Variants in CRISPLD2 observed in about 807,000 individuals in gnomAD.
CRISPLD2 encodes the protein cysteine-rich secretory protein LCCL domain-containing 2.
In CRISPLD2, 47 loss-of-function variants were observed where a neutral mutation model predicts 71.1. That is an observed-to-expected ratio of 0.66 (90% confidence interval 0.52 to 0.84). The LOEUF is 0.84. Among genes scored for constraint, CRISPLD2 ranks in the 40% least tolerant of loss-of-function variants. CRISPLD2 has a pLI of 0.00. For synonymous variants in CRISPLD2, 317 were observed against 250.1 expected (o/e 1.27, Z -2.52); for missense variants, 830 against 651.1 (o/e 1.27, Z -2.99).
chr16:84,877,528 T>C lies in CRISPLD2; in HGVS notation c.1229+18T>C. 1 of 1,612,636 alleles carries C rather than the reference T, an allele frequency of 6.2e-7. No individual in the cohort carries two copies. The highest frequency in any genetic ancestry group is 8.5e-7 in the Non-Finnish European group (1 of 1,178,834). ...TGCCCAAGGTAAGGCGGGCCTGATC[T>C]GTCATCTTTTCTATGGAAGATGTTA... On this transcript the variant is annotated intron_variant, in intron 12 of 14. Transcript: ENST00000262424.
At chr16:84,841,278 G>T (rs950879661) in intron 2 of CRISPLD2, among the ~76,000 whole-genome samples, 1 of 152,148 alleles carries the variant, frequency 6.6e-6, no homozygotes, top group South Asian at 2.1e-4. Flanking sequence ...TGCAGGGAAG[G>T]GTGTTCTGGG....
intron 13 of CRISPLD2, among the ~76,000 whole-genome samples, chr16:84,880,995 A>T (rs774202): frequency 6.6e-6 from 1 of 152,006 alleles, no homozygotes; most frequent in East Asian, 1.9e-4. Flanking sequence ...GTGAGTCCCC[A>T]CACCCGGCCA....
At chr16:84,848,460 T>TAAA (rs33922205) in intron 3 of CRISPLD2, among the ~76,000 whole-genome samples, 193 of 144,982 alleles carry the variant, frequency 1.3e-3, no homozygotes, top group Admixed American at 3.2e-3. Context: ...CCCTAGTTAT[T>TAAA]AAAAAAAAAA....
At chr16:84,880,068 C>T (rs552248602) in intron 12 of CRISPLD2, among the ~76,000 whole-genome samples, 6 of 152,128 alleles carry the variant, frequency 3.9e-5, no homozygotes, top group Non-Finnish European at 5.9e-5. Flanking sequence ...TATTCTGTGA[C>T]TCAGCGAGGT....
intron 13 of CRISPLD2, among the ~76,000 whole-genome samples, chr16:84,884,167 C>G (rs1182966533): frequency 2.0e-5 from 3 of 152,160 alleles, no homozygotes; most frequent in Non-Finnish European, 4.4e-5. Context: ...TCACAGTAAC[C>G]CTCTTCTTCC....
At position 84,904,193 on chromosome 16, in the gene CRISPLD2, C is replaced by T. The variant is rs141032934; in HGVS notation, c.1440-2395C>T. Among the ~76,000 whole-genome samples the T allele has an allele frequency of 8.4e-4, 128 of 152,230 alleles. 1 individual carries two copies. Among genetic ancestry groups the T allele is most frequent in the African/African-American group, 3.0e-3 (125 of 41,544 alleles). On this transcript the variant is annotated intron_variant, in intron 14 of 14. Coordinates refer to ENST00000262424, the MANE Select transcript of CRISPLD2 (RefSeq NM_031476.4). ...TGTGCCCACAGCAAGAGGAGCAAAGCGGGAGGGGGCACTTAGGCTTCCCAA... is the reference window on the plus strand; with the variant it reads ...TGTGCCCACAGCAAGAGGAGCAAAGTGGGAGGGGGCACTTAGGCTTCCCAA...
intron 14 of CRISPLD2, among the ~76,000 whole-genome samples, chr16:84,894,791 A>G (rs1327594773): frequency 6.6e-6 from 1 of 152,086 alleles, no homozygotes; most frequent in Non-Finnish European, 1.5e-5. Flanking sequence ...TTTCACCCTT[A>G]GGCACATCTC....
intron 7 of CRISPLD2, among the ~76,000 whole-genome samples, chr16:84,868,090 C>T (rs1917592494): frequency 6.6e-6 from 1 of 152,196 alleles, no homozygotes; most frequent in Admixed American, 6.5e-5. Context: ...TGAGGAACAG[C>T]CTCACACCCG....
chr16:84,823,514 G>T (rs1163854349), intron 1 of CRISPLD2, among the ~76,000 whole-genome samples: 1 of 152,216 alleles, frequency 6.6e-6, no homozygotes, highest in East Asian at 1.9e-4. Flanking sequence ...CTCCATGGGT[G>T]CAGGGAAGCC....
At chr16:84,830,258 G>A (rs1449206372) in intron 1 of CRISPLD2, among the ~76,000 whole-genome samples, 1 of 152,170 alleles carries the variant, frequency 6.6e-6, no homozygotes, top group Non-Finnish European at 1.5e-5. Flanking sequence ...GGAGGTTGAG[G>A]CTGCAGTGAG....
At chr16:84,880,173 A>C (rs939546364) in intron 12 of CRISPLD2, among the ~76,000 whole-genome samples, 2 of 152,220 alleles carry the variant, frequency 1.3e-5, no homozygotes, top group African/African-American at 4.8e-5. Flanking sequence ...AGTGTGAACT[A>C]GCCAACATCC....
chr16:84,827,091 G>C (rs1206241787), intron 1 of CRISPLD2, among the ~76,000 whole-genome samples: 2 of 152,022 alleles, frequency 1.3e-5, no homozygotes, highest in African/African-American at 4.8e-5. Context: ...TCACAGCAGA[G>C]CCTGGCCGGC....
intron 2 of CRISPLD2, among the ~76,000 whole-genome samples, chr16:84,841,029 C>T (rs140318895): frequency 6.6e-6 from 1 of 152,216 alleles, no homozygotes; most frequent in Non-Finnish European, 1.5e-5. Flanking sequence ...CACCTCCGGA[C>T]TAGTGTAGCC....
At chr16:84,889,428 G>T in intron 14 of CRISPLD2, 65 bp downstream of exon 14, 1 of 1,532,694 alleles carries the variant, frequency 6.5e-7, no homozygotes, top group Non-Finnish European at 8.8e-7. Context: ...CAGGGGGCCT[G>T]GGAAGAGGCC....
intron 8 of CRISPLD2, among the ~76,000 whole-genome samples, chr16:84,869,839 T>G (rs1314175133): frequency 6.6e-6 from 1 of 152,260 alleles, no homozygotes; most frequent in African/African-American, 2.4e-5. Context: ...CACATTGCGA[T>G]AGCATCACCC....
chr16:84,848,851 A>T (rs564688223), intron 3 of CRISPLD2, among the ~76,000 whole-genome samples: 1 of 152,234 alleles, frequency 6.6e-6, no homozygotes, highest in South Asian at 2.1e-4. Flanking sequence ...ATAAACACCT[A>T]ATTGACATAA....
In CRISPLD2 at chr16:84,906,604, G is replaced by T. The variant is rs1270506027; in HGVS notation, c.1456G>T (p.Asp486Tyr). The change falls in exon 15 of 15, where the codon GAT becomes TAT. Residue 486 changes from aspartate (D) to tyrosine (Y), a missense_variant. Asp to Tyr is a radical substitution (Grantham distance 160). Coordinates refer to ENST00000262424, the MANE Select transcript of CRISPLD2 (RefSeq NM_031476.4). ...VQSESLGTPRDGKAFRIFAVR... is the reference protein window; with the variant it reads ...VQSESLGTPRYGKAFRIFAVR... Reference sequence around the variant, plus strand: ...TTTTTTCAGCCTGGGGACTCCTCGGGATGGAAAGGCCTTCCGGATCTTTGC... The same window carrying T: ...TTTTTTCAGCCTGGGGACTCCTCGGTATGGAAAGGCCTTCCGGATCTTTGC... 6.2e-7 allele frequency: 1 copy of T among 1,613,412 alleles called. No individual in the cohort carries two copies. Among genetic ancestry groups the T allele is most frequent in the South Asian group, 1.1e-5 (1 of 91,044 alleles).
chr16:84,869,559 C>T (rs891651981), intron 8 of CRISPLD2, among the ~76,000 whole-genome samples: 4 of 152,244 alleles, frequency 2.6e-5, no homozygotes, highest in African/African-American at 9.6e-5. Flanking sequence ...GGACTTGGAG[C>T]AGCCGGGATG....
intron 14 of CRISPLD2, among the ~76,000 whole-genome samples, chr16:84,901,013 GCACACACACACACACA>G (rs3222775): frequency 1.4e-5 from 2 of 140,180 alleles, no homozygotes; most frequent in East Asian, 4.2e-4. Flanking sequence ...TGGTGTCACT[GCACACACACACACACA>G]CACACACACA....
Sources: allele counts gnomAD v4.1 joint callset (sites outside exome capture counted in the v4.1 genomes callset), GRCh38; gene constraint gnomAD v4.1.1; transcripts MANE v1.5; gene names NCBI Gene and HGNC (gene_info 2026-07-23, HGNC 2026-07-21).